The following GTF2A2 variants were observed in gnomAD, a reference collection of about 807,000 sequenced individuals.
GTF2A2 encodes the protein general transcription factor IIA subunit 2, also known as transcription initiation factor IIA subunit 2.
Under a neutral mutation model 14.3 loss-of-function variants are expected in GTF2A2, and 9 were observed. That is an observed-to-expected ratio of 0.63 (90% CI 0.38 to 1.10). GTF2A2 has a LOEUF of 1.10. GTF2A2 is among the 50% of genes least tolerant of loss of function. GTF2A2 has a pLI of 0.01. For synonymous variants in GTF2A2, 56 were observed against 46.0 expected (o/e 1.22, Z -0.88); for missense variants, 90 against 124.6 (o/e 0.72, Z 1.32).
intron 2 of GTF2A2, 65 bp from the exon 3 acceptor site, chr15:59,650,838 T>C: frequency 1.2e-6 from 1 of 852,808 alleles, no homozygotes; most frequent in Non-Finnish European, 1.9e-6. Flanking sequence ...TAAATAAAAA[T>C]ATACAAATTA....
intron 1 of GTF2A2, 22 bp from the exon 2 acceptor site, chr15:59,652,348 G>A (rs1891818644): frequency 2.5e-6 from 2 of 793,152 alleles, no homozygotes; most frequent in Non-Finnish European, 2.1e-6. Flanking sequence ...ATATAAAATT[G>A]TTAAAAAAGA....
At chr15:59,646,017 G>T (rs1313708269) in intron 3 of GTF2A2, among the ~76,000 whole-genome samples, 1 of 138,358 alleles carries the variant, frequency 7.2e-6, no homozygotes, top group African/African-American at 2.7e-5. Flanking sequence ...TTGAGTGACA[G>T]AGTAAGGCTC....
chr15:59,638,457 A>C lies in GTF2A2; in HGVS notation c.*675T>G, dbSNP rs1891255963. On this transcript the variant is annotated 3_prime_UTR_variant, in exon 5 of 5. Transcript: ENST00000396060. ...ATCTTGTACATGATAAAATGTATGAACTTTGGATCAATATGGCAAGCTGAA... is the reference window on the plus strand; with the variant it reads ...ATCTTGTACATGATAAAATGTATGACCTTTGGATCAATATGGCAAGCTGAA... 2 of 152,076 alleles carry C rather than the reference A, an allele frequency of 1.3e-5. No individual in the cohort carries two copies. The highest frequency in any genetic ancestry group is 4.8e-5 in the African/African-American group (2 of 41,398). The allele number at this position is 152,076 out of a possible 1,614,324, so 9.4% of individuals were successfully genotyped here. A position where few individuals can be genotyped will look rare whatever the true frequency, so the allele number is the denominator to read the frequency against.
intron 3 of GTF2A2, among the ~76,000 whole-genome samples, chr15:59,650,015 T>C (rs1891743014): frequency 6.6e-6 from 1 of 152,214 alleles, no homozygotes; most frequent in Admixed American, 6.5e-5. Context: ...CATCATCATA[T>C]ATTATATGAC....
intron 1 of GTF2A2, among the ~76,000 whole-genome samples, chr15:59,653,132 G>C (rs1595674290): frequency 6.6e-6 from 1 of 152,146 alleles, no homozygotes; most frequent in African/African-American, 2.4e-5. Flanking sequence ...CAGGATAGGT[G>C]CAAGCAGTGG....
chr15:59,639,899 T>C (rs185490732), intron 4 of GTF2A2, among the ~76,000 whole-genome samples: 2,414 of 151,862 alleles, frequency 0.016, 168 homozygotes, highest in Admixed American at 0.14. Flanking sequence ...TACAGGCGGG[T>C]ACCACCATGC....
chr15:59,646,931 T>C (rs1891626847), intron 3 of GTF2A2, among the ~76,000 whole-genome samples: 1 of 151,482 alleles, frequency 6.6e-6, no homozygotes, highest in South Asian at 2.1e-4. Flanking sequence ...TTTTCACTGA[T>C]TTGAAAGTCA....
intron 4 of GTF2A2, among the ~76,000 whole-genome samples, chr15:59,641,350 T>C (rs1891419308): frequency 6.6e-6 from 1 of 151,994 alleles, no homozygotes; most frequent in African/African-American, 2.4e-5. Context: ...ATTTTTTCAG[T>C]GATTGATTGA....
chr15:59,648,827 G>C (rs1171856736), intron 3 of GTF2A2, among the ~76,000 whole-genome samples: 1 of 151,788 alleles, frequency 6.6e-6, no homozygotes, highest in African/African-American at 2.4e-5. Context: ...CCAGCTACTC[G>C]GGGGGCTGAG....
intron 3 of GTF2A2, among the ~76,000 whole-genome samples, chr15:59,645,643 G>T (rs1181692080): frequency 6.6e-6 from 1 of 152,184 alleles, no homozygotes; most frequent in Non-Finnish European, 1.5e-5. Context: ...CTCCTCGTTT[G>T]CTACAGTCTG....
chr15:59,653,722 T>A (rs1230586479), intron 1 of GTF2A2, among the ~76,000 whole-genome samples: 1 of 152,154 alleles, frequency 6.6e-6, no homozygotes, highest in Non-Finnish European at 1.5e-5. Context: ...TACCCATATA[T>A]AAAACTGCCT....
rs868304946 is a variant in GTF2A2 at position 59,639,464 on chromosome 15, A to T, written c.305-307T>A. On this transcript the variant is annotated intron_variant, in intron 4 of 4. Coordinates refer to ENST00000396060, the MANE Select transcript of GTF2A2 (RefSeq NM_004492.3). ...TCCCCCAGGTCCTTTACTGTCCCAA[A>T]TTTTTTTTTTTTTTTTGAGATGGAG... 7.9e-3 allele frequency among the ~76,000 whole-genome samples: 1,123 copies of T among 142,628 alleles called. 17 individuals carry two copies. Among genetic ancestry groups the T allele is most frequent in the African/African-American group, 0.027 (1,035 of 38,414 alleles). The allele number at this position is 142,628 out of a possible 152,430, so 93.6% of individuals were successfully genotyped here. A position where few individuals can be genotyped will look rare whatever the true frequency, so the allele number is the denominator to read the frequency against.
intron 1 of GTF2A2, among the ~76,000 whole-genome samples, chr15:59,654,514 T>C (rs1891886963): frequency 1.3e-5 from 2 of 152,186 alleles, no homozygotes; most frequent in Middle Eastern, 3.2e-3. Context: ...TTCATACCAA[T>C]AACTGAAGCT....
intron 3 of GTF2A2, among the ~76,000 whole-genome samples, chr15:59,643,485 G>A (rs144446608): frequency 1.1e-4 from 16 of 151,982 alleles, no homozygotes; most frequent in African/African-American, 3.1e-4. Context: ...CCAAAGTGCT[G>A]AGATTACAGG....
At chr15:59,643,149 G>A (rs1442446558) in intron 3 of GTF2A2, among the ~76,000 whole-genome samples, 2 of 141,876 alleles carry the variant, frequency 1.4e-5, no homozygotes, top group African/African-American at 2.6e-5. Flanking sequence ...GTGAGATCTT[G>A]GATCACTGCA....
At position 59,642,178 on chromosome 15, in the gene GTF2A2, T is replaced by C. The variant is rs1194770958; in HGVS notation, c.262A>G (p.Ile88Val). The C allele has an allele frequency of 3.7e-6, 6 of 1,609,998 alleles. No individual in the cohort carries two copies. Among genetic ancestry groups the C allele is most frequent in the East Asian group, 2.2e-5 (1 of 44,594 alleles). The change falls in exon 4 of 5, where the codon ATT becomes GTT. Residue 88 changes from isoleucine (I) to valine (V), a missense_variant. Ile to Val is a conservative substitution (Grantham distance 29). Coordinates refer to ENST00000396060, the MANE Select transcript of GTF2A2 (RefSeq NM_004492.3). ...ACAATTTTCACTTTATCCACTTTAA[T>C]AAGTTCTGTCACCTCTCTGAATTCA... ...DVEFREVTELIKVDKVKIVAC... is the reference protein window; with the variant it reads ...DVEFREVTELVKVDKVKIVAC...
Position 59,638,948 on chromosome 15 carries a change from A to C in GTF2A2, c.*184T>G, listed in dbSNP as rs114573690. 1.7e-3 allele frequency: 891 copies of C among 523,018 alleles called. 11 individuals are homozygous for C. Among genetic ancestry groups the C allele is most frequent in the African/African-American group, 0.015 (763 of 50,934 alleles). The allele number at this position is 523,018 out of a possible 1,614,324, so 32.4% of individuals were successfully genotyped here. On this transcript the variant is annotated 3_prime_UTR_variant, in exon 5 of 5. Coordinates refer to ENST00000396060, the MANE Select transcript of GTF2A2 (RefSeq NM_004492.3). ...CCTTAAAAAAAAGTTATGGTTTTTC[A>C]TGCTGTATAATAAAGGTGATGTAAG...
rs1403605063 is a variant in GTF2A2, at chr15:59,655,940, G to A, written c.-50+1466C>T. 6.6e-5 allele frequency among the ~76,000 whole-genome samples: 10 copies of A among 152,152 alleles called. No homozygotes were observed. The South Asian group carries it at 8.3e-4, about 13-fold the overall frequency. On this transcript the variant is annotated intron_variant, in intron 1 of 4. Coordinates refer to ENST00000396060, the MANE Select transcript of GTF2A2 (RefSeq NM_004492.3). ...TCACCATCCCTACGGTTATCACCCT[G>A]ACCTGGGCCACTCTCGTCATCTGGA...
chr15:59,642,077 T>C, intron 4 of GTF2A2, 59 bp downstream of exon 4: 1 of 1,503,708 alleles, frequency 6.7e-7, no homozygotes, highest in East Asian at 2.4e-5. Context: ...GCAGATCTTC[T>C]AAAGGCTCAT....
Sources: gnomAD v4.1 joint callset for allele counts (sites outside exome capture counted in the v4.1 genomes callset) on GRCh38, gnomAD v4.1.1 for gene constraint, MANE v1.5 for transcripts, NCBI Gene and HGNC (gene_info 2026-07-23, HGNC 2026-07-21) for gene names.